FIG4: variants seen among roughly 807,000 people sequenced by gnomAD.
FIG4 encodes polyphosphoinositide phosphatase.
A neutral mutation model predicts 118.6 loss-of-function variants in FIG4; 112 were observed. The ratio of observed to expected loss-of-function variants is 0.94; its 90% CI spans 0.81 to 1.11. FIG4 has a LOEUF of 1.11. Among genes scored for constraint, FIG4 ranks in the 50% least tolerant of loss-of-function variants. The pLI is 0.00. For synonymous variants in FIG4, 369 were observed against 381.2 expected (o/e 0.97, Z 0.37); for missense variants, 969 against 1,111.7 (o/e 0.87, Z 1.83).
At chr6:109,810,637 G>T (rs1270098090) in intron 22 of FIG4, among the ~76,000 whole-genome samples, 1 of 152,110 alleles carries the variant, frequency 6.6e-6, no homozygotes, top group East Asian at 1.9e-4. Flanking sequence ...AAGCCCAATG[G>T]GAATTAAGAT....
At chr6:109,732,732 T>G in intron 5 of FIG4, 45 bp downstream of exon 5, 2 of 1,167,160 alleles carry the variant, frequency 1.7e-6, no homozygotes, top group Non-Finnish European at 2.6e-6. Context: ...CATAAACTTT[T>G]ATATTATTTT....
At chr6:109,730,784 A>G (rs1775975656) in intron 4 of FIG4, among the ~76,000 whole-genome samples, 1 of 152,184 alleles carries the variant, frequency 6.6e-6, no homozygotes, top group Non-Finnish European at 1.5e-5. Flanking sequence ...TACAAAGATA[A>G]TTTTAAGAAA....
At chr6:109,717,084 A>G (rs879537468) in intron 3 of FIG4, among the ~76,000 whole-genome samples, 2 of 151,068 alleles carry the variant, frequency 1.3e-5, no homozygotes, top group Non-Finnish European at 2.9e-5. Context: ...TCACTGTTTG[A>G]AATTGTGTTA....
intron 3 of FIG4, among the ~76,000 whole-genome samples, chr6:109,722,729 C>T (rs1775648528): frequency 7.6e-6 from 1 of 131,792 alleles, no homozygotes. Context: ...AGTGAGTGAG[C>T]TGGGCAGGGA....
chr6:109,791,408 A>C lies in FIG4; in HGVS notation c.2213A>C (p.Gln738Pro). The C allele has an allele frequency of 6.2e-7, 1 of 1,613,550 alleles. No individual in the cohort carries two copies. The highest frequency in any genetic ancestry group is 8.5e-7 in the Non-Finnish European group (1 of 1,180,014). The change falls in exon 20 of 23, where the codon CAG (glutamine) becomes CCG (proline). Residue 738 changes from glutamine to proline, a missense_variant. This residue lies in a region of FIG4 where 330 missense variants were observed against 348.1 expected (regional missense o/e 0.95). Transcript: ENST00000230124. ...AGCAATAGAGAAGAAGCTGTATTAC[A>C]GCGGAAAACGGCAGCCAGCGCCCCG... Reference protein sequence around the residue: ...NKSNREEAVLQRKTAASAPPP... With the variant: ...NKSNREEAVLPRKTAASAPPP...
intron 22 of FIG4, among the ~76,000 whole-genome samples, chr6:109,818,250 GA>G (rs1005755705): frequency 1.5e-4 from 23 of 151,832 alleles, no homozygotes; most frequent in African/African-American, 5.6e-4. Flanking sequence ...GCCCAGGTTG[GA>G]GGGCAATGGC....
intron 16 of FIG4, among the ~76,000 whole-genome samples, chr6:109,777,782 A>G (rs1485206578): frequency 6.6e-6 from 1 of 152,226 alleles, no homozygotes; most frequent in Non-Finnish European, 1.5e-5. Context: ...AGAAACAAAC[A>G]GTTTACCTGA....
intron 3 of FIG4, among the ~76,000 whole-genome samples, chr6:109,717,592 A>G (rs1287384918): frequency 1.3e-5 from 2 of 152,190 alleles, no homozygotes; most frequent in Non-Finnish European, 2.9e-5. Flanking sequence ...CAGAAGAGGT[A>G]AATTACTTGG....
chr6:109,716,662 T>C, intron 3 of FIG4, 94 bp downstream of exon 3: 1 of 1,399,710 alleles, frequency 7.1e-7, no homozygotes, highest in East Asian at 2.3e-5. Flanking sequence ...GCTATAAGGC[T>C]TTAAAATTAT....
rs1778241411 is a variant in FIG4, at chr6:109,795,095, G to GTTTTTTTTTTTGT, written c.2460-1659_2460-1658insGTTTTTTTTTTTT. ...TCCTCAAAGCTTCATACACTTGCCA[G>GTTTTTTTTTTTGT]TTTTTTTTTTTTTTTTTTTTTTTTT... On this transcript the variant is annotated intron_variant, in intron 21 of 22. Transcript: ENST00000230124. 3.5e-5 allele frequency among the ~76,000 whole-genome samples: 2 copies of GTTTTTTTTTTTGT among 57,194 alleles called. 1 individual carries two copies. The highest frequency in any genetic ancestry group is 5.6e-4 in the Admixed American group (2 of 3,564). 37.5% of individuals were successfully genotyped at this position (57,194 alleles called of 152,430 possible). A position where few individuals can be genotyped will look rare whatever the true frequency, so the allele number is the denominator to read the frequency against.
rs1562677647 is a variant in FIG4 at position 109,776,934 on chromosome 6, A to G, written c.1763A>G (p.Gln588Arg). 6.2e-7 allele frequency: 1 copy of G among 1,613,320 alleles called. No homozygotes were observed. Among genetic ancestry groups the G allele is most frequent in the Non-Finnish European group, 8.5e-7 (1 of 1,179,390 alleles). ...YSNAFSDADR[Q>R]DSINLFLGVF... ...TTTTGCTTTTTAGATGCCGATAGAC[A>G]AGATTCCATTAATCTCTTCCTGGGA... Residue 588 changes from glutamine to arginine, a missense_variant, in exon 16 of 23, where the codon CAA becomes CGA. Gln to Arg is a conservative substitution (Grantham distance 43). This residue lies in a region of FIG4 where 246 missense variants were observed against 354.3 expected (regional missense o/e 0.69). Transcript: ENST00000230124.
At chr6:109,727,343 T>A in intron 4 of FIG4, 78 bp downstream of exon 4, 2 of 1,180,074 alleles carry the variant, frequency 1.7e-6, no homozygotes, top group Non-Finnish European at 2.5e-6. Flanking sequence ...GGCTGGAATA[T>A]AATGGCATGG....
rs545392273 is a variant in FIG4 at position 109,765,334 on chromosome 6, T to C, written c.1583+173T>C. Reference sequence around the variant, plus strand: ...CTTATATTTTCTTCTAGTAGTTTTATAGTTTTTGGTCTTATGTTTAAGTCT... The same window carrying C: ...CTTATATTTTCTTCTAGTAGTTTTACAGTTTTTGGTCTTATGTTTAAGTCT... On this transcript the variant is annotated intron_variant, in intron 14 of 22. Coordinates refer to ENST00000230124, the MANE Select transcript of FIG4 (RefSeq NM_014845.6). Among the ~76,000 whole-genome samples, 6 of 152,352 alleles carry C rather than the reference T, an allele frequency of 3.9e-5. No homozygotes were observed. The East Asian group carries it at 9.6e-4, about 24-fold the overall frequency.
At chr6:109,717,136 A>C (rs1162232551) in intron 3 of FIG4, among the ~76,000 whole-genome samples, 2 of 152,022 alleles carry the variant, frequency 1.3e-5, no homozygotes. Context: ...AACCCAAGTC[A>C]CTGTGACACA....
At chr6:109,705,017 A>G (rs1474135089) in intron 1 of FIG4, among the ~76,000 whole-genome samples, 1 of 152,186 alleles carries the variant, frequency 6.6e-6, no homozygotes. Flanking sequence ...ATGCAACAAA[A>G]TGTTAACAGT....
intron 22 of FIG4, among the ~76,000 whole-genome samples, chr6:109,812,894 C>G (rs1161586521): frequency 6.6e-6 from 1 of 152,170 alleles, no homozygotes; most frequent in Admixed American, 6.5e-5. Flanking sequence ...ATGCTGGGCA[C>G]TGGACAGGGT....
At chr6:109,797,067 G>T (rs1310771104) in intron 22 of FIG4, among the ~76,000 whole-genome samples, 1 of 152,174 alleles carries the variant, frequency 6.6e-6, no homozygotes, top group African/African-American at 2.4e-5. Context: ...ATCTTTGGAG[G>T]TGGGTTTGGC....
At chr6:109,749,850 C>G (rs192563785) in intron 10 of FIG4, among the ~76,000 whole-genome samples, 21 of 152,128 alleles carry the variant, frequency 1.4e-4, no homozygotes, top group Non-Finnish European at 2.8e-4. Context: ...GTTTATTGTT[C>G]TATTGCAATA....
At chr6:109,770,786 A>G (rs1777435034) in intron 15 of FIG4, among the ~76,000 whole-genome samples, 1 of 152,092 alleles carries the variant, frequency 6.6e-6, no homozygotes. Context: ...CTTCCGCCAG[A>G]CTCCATCTCC....
Sources: allele counts gnomAD v4.1 joint callset (sites outside exome capture counted in the v4.1 genomes callset), GRCh38; gene constraint gnomAD v4.1.1; regional missense constraint gnomAD v4.1.1; transcripts MANE v1.5; gene names NCBI Gene and HGNC (gene_info 2026-07-23, HGNC 2026-07-21).